SIRT4: variants seen among roughly 807,000 people sequenced by gnomAD.
The protein encoded by SIRT4 is sirtuin 4.
SIRT4 carries 23 observed loss-of-function variants against 26.1 expected under a neutral mutation model. That is an observed-to-expected ratio of 0.88 (90% CI 0.63 to 1.25). The LOEUF (loss-of-function observed/expected upper bound fraction) is 1.25. Ranked by LOEUF, SIRT4 falls within the 50% of genes most tolerant of loss-of-function variation. The pLI is 0.00. For synonymous variants in SIRT4, 155 were observed against 158.4 expected (o/e 0.98, Z 0.16); for missense variants, 361 against 405.4 (o/e 0.89, Z 0.94).
At chr12:120,310,255 G>A (rs1338418642) in intron 2 of SIRT4, among the ~76,000 whole-genome samples, 1 of 151,958 alleles carries the variant, frequency 6.6e-6, no homozygotes, top group African/African-American at 2.4e-5. Flanking sequence ...AATCCCAGCT[G>A]CTCGGGAGGC....
chr12:120,299,317 T>C (rs2696026), upstream of SIRT4, among the ~76,000 whole-genome samples: 15,231 of 151,382 alleles, frequency 0.1, 1,265 homozygotes, highest in African/African-American at 0.22. Flanking sequence ...TTTAGGAGAC[T>C]GAGGCAGGTG....
the SIRT4 span, among the ~76,000 whole-genome samples, chr12:120,295,412 A>C: frequency 1.5e-5 from 2 of 129,134 alleles, no homozygotes; most frequent in Non-Finnish European, 3.2e-5. Context: ...AAATATATAT[A>C]TAGATAATTT....
At chr12:120,312,301 T>A (rs1185343790) in intron 2 of SIRT4, among the ~76,000 whole-genome samples, 155 bp from the exon 3 acceptor site, 2 of 151,738 alleles carry the variant, frequency 1.3e-5, no homozygotes, top group Non-Finnish European at 2.9e-5. Flanking sequence ...ATAAAAAAAA[T>A]AAAATAGAAA....
intron 2 of SIRT4, among the ~76,000 whole-genome samples, chr12:120,304,629 A>G (rs1047323287): frequency 2.0e-5 from 3 of 150,988 alleles, no homozygotes; most frequent in African/African-American, 4.9e-5. Flanking sequence ...CCTGGGCAAC[A>G]GTGCAAAAAA....
the SIRT4 span, among the ~76,000 whole-genome samples, chr12:120,293,917 A>C: frequency 1.5e-4 from 23 of 152,044 alleles, no homozygotes; most frequent in South Asian, 4.2e-4. Context: ...CATTCAGAAT[A>C]ATGTTTTTAA....
chr12:120,301,123 G>T (rs1349390780), upstream of SIRT4, among the ~76,000 whole-genome samples: 1 of 152,206 alleles, frequency 6.6e-6, no homozygotes, highest in Non-Finnish European at 1.5e-5. Context: ...AGGGTGGGCA[G>T]ATCACGAGGT....
chr12:120,308,165 CTTTTTTT>C (rs10707396), intron 2 of SIRT4, among the ~76,000 whole-genome samples: 1 of 85,012 alleles, frequency 1.2e-5, no homozygotes, highest in Non-Finnish European at 2.3e-5. Flanking sequence ...CCCAAGAAAG[CTTTTTTT>C]TTTTTTTTTT....
chr12:120,308,530 G>A (rs1872835300), intron 2 of SIRT4, among the ~76,000 whole-genome samples: 1 of 152,148 alleles, frequency 6.6e-6, no homozygotes, highest in Admixed American at 6.6e-5. Context: ...GTCTAGGCAA[G>A]AGCGGGAAAC....
chr12:120,312,636 T>C lies in SIRT4; in HGVS notation c.678T>C (p.His226=). 6.2e-7 allele frequency: 1 copy of C among 1,614,148 alleles called. No individual in the cohort carries two copies. Among genetic ancestry groups the C allele is most frequent in the Non-Finnish European group, 8.5e-7 (1 of 1,180,032 alleles). The change falls in exon 3 of 4, where the codon CAT becomes CAC. Residue 226 remains histidine, a synonymous_variant. Coordinates refer to ENST00000202967, the MANE Select transcript of SIRT4 (RefSeq NM_012240.3). ...CAACCTGCGTTCAATGTGGAGGCCA[T>C]CTGAAACCAGATGTCGTTTTCTTCG... ...QVPTCVQCGG[H]LKPDVVFFGD...
At chr12:120,312,102 G>A (rs918587886) in intron 2 of SIRT4, among the ~76,000 whole-genome samples, 1 of 152,060 alleles carries the variant, frequency 6.6e-6, no homozygotes, top group Non-Finnish European at 1.5e-5. Context: ...GGGCGACACA[G>A]TGAAACACCG....
At chr12:120,309,217 C>T (rs1872861063) in intron 2 of SIRT4, among the ~76,000 whole-genome samples, 1 of 151,922 alleles carries the variant, frequency 6.6e-6, no homozygotes, top group Non-Finnish European at 1.5e-5. Flanking sequence ...TGAAGAAAAT[C>T]TGTTCTTTTA....
At chr12:120,292,985 TC>T in the SIRT4 span, 11 of 152,024 alleles carry the variant, frequency 7.2e-5, no homozygotes, top group African/African-American at 2.4e-4. Flanking sequence ...GTAAGACACT[TC>T]CCCATCTCTC....
chr12:120,299,247 AC>A (rs368908639), upstream of SIRT4, among the ~76,000 whole-genome samples: 4 of 144,896 alleles, frequency 2.8e-5, no homozygotes, highest in Non-Finnish European at 4.6e-5. Context: ...ATAAATAAAT[AC>A]AATAATAATA....
chr12:120,292,859 T>TCAA, the SIRT4 span, among the ~76,000 whole-genome samples: 1 of 152,062 alleles, frequency 6.6e-6, no homozygotes, highest in African/African-American at 2.4e-5. Flanking sequence ...GCAAGAAAAG[T>TCAA]CAACACCGCC....
At chr12:120,302,647 A>T (rs1232104451) in intron 1 of SIRT4, among the ~76,000 whole-genome samples, 1 of 152,108 alleles carries the variant, frequency 6.6e-6, no homozygotes, top group Non-Finnish European at 1.5e-5. Context: ...TAATGTTTAC[A>T]TACGGGGTGC....
chr12:120,292,221 A>G, the SIRT4 span, among the ~76,000 whole-genome samples: 2 of 152,192 alleles, frequency 1.3e-5, no homozygotes, highest in African/African-American at 4.8e-5. Context: ...GAGGGCGCAG[A>G]CGGACGACTA....
the SIRT4 span, among the ~76,000 whole-genome samples, chr12:120,292,067 TCAAA>T: frequency 6.6e-6 from 1 of 152,194 alleles, no homozygotes; most frequent in Non-Finnish European, 1.5e-5. Flanking sequence ...ACATCCCGTG[TCAAA>T]CATTCAGGTT....
upstream of SIRT4, among the ~76,000 whole-genome samples, chr12:120,301,462 T>C (rs1323691131): frequency 1.3e-5 from 2 of 152,246 alleles, no homozygotes; most frequent in East Asian, 1.9e-4. Flanking sequence ...AACTTGATAC[T>C]GTCGTTGTGA....
chr12:120,296,261 A>G, the SIRT4 span, among the ~76,000 whole-genome samples: 5 of 151,058 alleles, frequency 3.3e-5, no homozygotes, highest in Admixed American at 6.6e-5. Context: ...TCTGTCGCCC[A>G]GGCTGGAGTG....
Sources: allele counts gnomAD v4.1 joint callset (sites outside exome capture counted in the v4.1 genomes callset), GRCh38; gene constraint gnomAD v4.1.1; transcripts MANE v1.5; gene names NCBI Gene and HGNC (gene_info 2026-07-23, HGNC 2026-07-21).